PHF14: variants seen among roughly 807,000 people sequenced by gnomAD.
PHF14 encodes PHD finger protein 14.
A neutral mutation model predicts 117.9 loss-of-function variants in PHF14; 55 were observed. That is an observed-to-expected ratio of 0.47 (90% confidence interval 0.38 to 0.58). The LOEUF is 0.58. Among genes scored for constraint, PHF14 ranks in the 20% least tolerant of loss-of-function variants. The probability of loss-of-function intolerance (pLI) is 0.00; values close to 1 mark genes in which losing one functional copy is unlikely to be tolerated. For synonymous variants in PHF14, 409 were observed against 368.6 expected (o/e 1.11, Z -1.26); for missense variants, 978 against 1,122.2 (o/e 0.87, Z 1.84).
chr7:11,103,285 A>G, intron 16 of PHF14: 1 of 853,606 alleles, frequency 1.2e-6, no homozygotes, highest in Non-Finnish European at 1.4e-6. Flanking sequence ...TAATACCCAA[A>G]TATATTCAGT....
chr7:11,120,008 G>T (rs922361092), intron 17 of PHF14, among the ~76,000 whole-genome samples: 2 of 151,598 alleles, frequency 1.3e-5, no homozygotes, highest in African/African-American at 2.4e-5. Flanking sequence ...AAATTAGATT[G>T]TGTATCTATA....
intron 16 of PHF14, among the ~76,000 whole-genome samples, chr7:11,084,938 T>C (rs569637375): frequency 6.6e-6 from 1 of 152,288 alleles, no homozygotes; most frequent in African/African-American, 2.4e-5. Context: ...TTTTTAAAAA[T>C]GAGTTTATTA....
intron 17 of PHF14, among the ~76,000 whole-genome samples, chr7:11,159,663 T>A (rs1302477267): frequency 6.6e-6 from 1 of 152,140 alleles, no homozygotes; most frequent in African/African-American, 2.4e-5. Flanking sequence ...CTTTGCAAGA[T>A]GTTACCATTG....
At chr7:11,060,689 C>T (rs558174281) in intron 14 of PHF14, among the ~76,000 whole-genome samples, 4 of 152,254 alleles carry the variant, frequency 2.6e-5, no homozygotes, top group South Asian at 4.2e-4. Context: ...ATTGTAGATG[C>T]AGGATCTGCA....
In PHF14 at chr7:10,990,752, A is replaced by C; in HGVS notation, c.950A>C (p.Asp317Ala). 6.4e-7 allele frequency: 1 copy of C among 1,571,492 alleles called. No homozygotes were observed. Among genetic ancestry groups the C allele is most frequent in the East Asian group, 2.3e-5 (1 of 43,472 alleles). Residue 317 changes from aspartate (D) to alanine (A), a missense_variant, in exon 4 of 18, where the codon GAC becomes GCC. Around this residue, in one of 7 missense-constraint regions of PHF14, gnomAD observed 414 missense variants for 376.4 expected, o/e 1.10. Transcript: ENST00000634607. ...CAAAACTGGAGCTCTCAAAAAATGG[A>C]CCATATTCTGATTTGCTGTGTTTGT... The part of the protein sequence containing the change: ...KSQNWSSQKM[D>A]HILICCVCLG...
At chr7:11,009,624 A>G (rs900036921) in intron 4 of PHF14, among the ~76,000 whole-genome samples, 40 of 152,246 alleles carry the variant, frequency 2.6e-4, no homozygotes, top group African/African-American at 9.4e-4. Context: ...AATGAATTGG[A>G]GCAGATATAC....
chr7:11,010,399 T>G (rs1004238559), intron 4 of PHF14, among the ~76,000 whole-genome samples: 9 of 152,084 alleles, frequency 5.9e-5, no homozygotes, highest in Non-Finnish European at 8.8e-5. Context: ...ATTAATGAGT[T>G]TTGATTCCTT....
At chr7:11,041,871 G>T (rs188183899) in intron 12 of PHF14, among the ~76,000 whole-genome samples, 2,961 of 151,676 alleles carry the variant, frequency 0.02, 39 homozygotes, top group Middle Eastern at 0.044. Flanking sequence ...GTGTGTGTGT[G>T]TGTGTGTGAC....
At chr7:10,991,220 G>C (rs1386520628) in intron 4 of PHF14, among the ~76,000 whole-genome samples, 1 of 151,992 alleles carries the variant, frequency 6.6e-6, no homozygotes, top group African/African-American at 2.4e-5. Flanking sequence ...TCGCACTGTT[G>C]CCCAGGCTGG....
intron 17 of PHF14, among the ~76,000 whole-genome samples, chr7:11,119,516 A>G (rs1457935386): frequency 6.6e-6 from 1 of 151,686 alleles, no homozygotes; most frequent in Non-Finnish European, 1.5e-5. Flanking sequence ...GTGAAAAGAT[A>G]CTCCTAGTGG....
chr7:11,057,075 A>C (rs1785045936), intron 14 of PHF14, among the ~76,000 whole-genome samples: 1 of 152,008 alleles, frequency 6.6e-6, no homozygotes, highest in Non-Finnish European at 1.5e-5. Context: ...TTAATTATTA[A>C]TTTGTATAAA....
chr7:11,016,168 C>A (rs1554260256), intron 5 of PHF14, among the ~76,000 whole-genome samples: 2 of 152,006 alleles, frequency 1.3e-5, no homozygotes, highest in Non-Finnish European at 2.9e-5. Context: ...GGCAAAAATT[C>A]TTTTATATAC....
chr7:11,106,383 A>T, intron 16 of PHF14: 1 of 973,144 alleles, frequency 1.0e-6, no homozygotes, highest in Non-Finnish European at 1.2e-6. Flanking sequence ...CGTTAGTCTT[A>T]TATTTGTGAA....
chr7:11,003,379 G>C (rs1355078043), intron 4 of PHF14, among the ~76,000 whole-genome samples: 1 of 152,124 alleles, frequency 6.6e-6, no homozygotes, highest in South Asian at 2.1e-4. Flanking sequence ...GATTCCTCTT[G>C]TTCCACAAAT....
At position 10,982,588 on chromosome 7, in the gene PHF14, G is replaced by A; in HGVS notation, c.329G>A (p.Arg110Lys). 2.0e-6 allele frequency: 3 copies of A among 1,500,080 alleles called. No individual in the cohort carries two copies. Among genetic ancestry groups the A allele is most frequent in the Non-Finnish European group, 2.7e-6 (3 of 1,104,254 alleles). 92.9% of individuals were successfully genotyped at this position (1,500,080 alleles called of 1,614,324 possible). A position where few individuals can be genotyped will look rare whatever the true frequency, so the allele number is the denominator to read the frequency against. The change falls in exon 3 of 18, where the codon AGA (arginine) becomes AAA (lysine). Residue 110 changes from arginine (R) to lysine (K), a missense_variant. Coordinates refer to ENST00000634607, the MANE Select transcript of PHF14 (RefSeq NM_001007157.2). The part of the protein sequence containing the change: ...EKKEEEENGE[R>K]PRKKKEKEKE... ...AAGGAAGAAGAAGAAAATGGAGAAA[G>A]ACCTAGAAAGAAAAAGGAGAAAGAG...
At chr7:10,975,118 T>C (rs1456110266) in intron 2 of PHF14, among the ~76,000 whole-genome samples, 173 bp downstream of exon 2, 1 of 152,240 alleles carries the variant, frequency 6.6e-6, no homozygotes, top group Admixed American at 6.5e-5. Context: ...ACTAGACCTA[T>C]AATTGCTTCT....
chr7:11,116,264 C>G (rs1787599594), intron 17 of PHF14, among the ~76,000 whole-genome samples: 1 of 152,004 alleles, frequency 6.6e-6, no homozygotes, highest in South Asian at 2.1e-4. Flanking sequence ...CTGTCTCTAT[C>G]TCCATTCCTG....
rs138135496 is a variant in PHF14, at chr7:11,046,736, G to T, written c.2312+3922G>T. ...TCAAAGAGATACCCATAATGCAGAA[G>T]TAGGAGGGACTGAGGTATTACTTGT... On this transcript the variant is annotated intron_variant, in intron 13 of 17. Transcript: ENST00000634607. Among the ~76,000 whole-genome samples the T allele has an allele frequency of 3.4e-3, 522 of 152,240 alleles. 5 individuals are homozygous for T. Among genetic ancestry groups the T allele is most frequent in the South Asian group, 4.8e-3 (23 of 4,820 alleles).
At chr7:11,020,836 T>C (rs1783710362) in intron 5 of PHF14, among the ~76,000 whole-genome samples, 1 of 152,208 alleles carries the variant, frequency 6.6e-6, no homozygotes, top group African/African-American at 2.4e-5. Context: ...TTTAGGCTTT[T>C]TTTTCCTTGT....
Sources: allele counts gnomAD v4.1 joint callset (sites outside exome capture counted in the v4.1 genomes callset), GRCh38; gene constraint gnomAD v4.1.1; regional missense constraint gnomAD v4.1.1; transcripts MANE v1.5; gene names NCBI Gene and HGNC (gene_info 2026-07-23, HGNC 2026-07-21).